The following IGFL2 variants were observed in gnomAD, a reference collection of about 807,000 sequenced individuals.
IGFL2 encodes the protein insulin growth factor-like family member 2.
IGFL2 carries 7 observed loss-of-function variants against 13.9 expected under a neutral mutation model. The observed-to-expected ratio is 0.51, with a 90% CI of 0.29 to 0.95. The LOEUF (loss-of-function observed/expected upper bound fraction) is 0.95, where lower values mean the gene tolerates loss of function less well. Among genes scored for constraint, IGFL2 ranks in the 40% least tolerant of loss-of-function variants. IGFL2 has a pLI of 0.08. For missense variants in IGFL2, 138 were observed against 147.8 expected (o/e 0.93, Z 0.34); for synonymous variants, 55 against 55.8 (o/e 0.99, Z 0.07).
the IGFL2 span, among the ~76,000 whole-genome samples, chr19:46,198,885 T>C: frequency 6.6e-6 from 1 of 152,186 alleles, no homozygotes; most frequent in Non-Finnish European, 1.5e-5. Flanking sequence ...CAGATGGAAC[T>C]AACACCACAA....
chr19:46,198,349 A>G, the IGFL2 span: 1 of 151,890 alleles, frequency 6.6e-6, no homozygotes, highest in Non-Finnish European at 1.5e-5. Flanking sequence ...CCTGGCCTCA[A>G]GCAATTCTTC....
the IGFL2 span, among the ~76,000 whole-genome samples, chr19:46,176,270 A>G: frequency 6.6e-6 from 1 of 152,072 alleles, no homozygotes; most frequent in Non-Finnish European, 1.5e-5. Flanking sequence ...ACAGAGAGGA[A>G]CAAAAACAGG....
the IGFL2 span, chr19:46,136,825 A>G: frequency 1.9e-5 from 13 of 699,610 alleles, no homozygotes; most frequent in Non-Finnish European, 3.5e-5. Context: ...AATCCACTAA[A>G]GTCCTGGTTG....
chr19:46,089,060 CCTGTCTTA>C, the IGFL2 span, among the ~76,000 whole-genome samples: 80 of 152,104 alleles, frequency 5.3e-4, no homozygotes, highest in Non-Finnish European at 1.0e-3. Context: ...TTTCTTTCTT[CCTGTCTTA>C]CTGTTCCTTT....
chr19:46,124,042 T>C, the IGFL2 span: 16 of 1,611,424 alleles, frequency 9.9e-6, no homozygotes, highest in Non-Finnish European at 1.4e-5. Context: ...GCGGCGGGTC[T>C]CCTTTAAGGA....
chr19:46,165,959 C>G (rs532434429), downstream of IGFL2, among the ~76,000 whole-genome samples: 4 of 152,362 alleles, frequency 2.6e-5, no homozygotes, highest in African/African-American at 9.6e-5. Flanking sequence ...TGTGGAAGGA[C>G]ATTCTCCATT....
At chr19:46,162,342 G>A (rs540046529), downstream of IGFL2, among the ~76,000 whole-genome samples, 12 of 152,304 alleles carry the variant, frequency 7.9e-5, no homozygotes, top group African/African-American at 2.4e-4. Context: ...GGCTTCTCTA[G>A]CAAGGTTGAG....
At chr19:46,100,424 G>A in the IGFL2 span, among the ~76,000 whole-genome samples, 1 of 152,190 alleles carries the variant, frequency 6.6e-6, no homozygotes, top group African/African-American at 2.4e-5. Flanking sequence ...AGGGGAAAGG[G>A]TGGGATATTG....
At chr19:46,086,554 C>T in the IGFL2 span, among the ~76,000 whole-genome samples, 2 of 152,198 alleles carry the variant, frequency 1.3e-5, no homozygotes, top group South Asian at 2.1e-4. Context: ...AAGCTCCTGA[C>T]CTCAAGTGAT....
At chr19:46,079,324 A>G in the IGFL2 span, among the ~76,000 whole-genome samples, 1 of 152,210 alleles carries the variant, frequency 6.6e-6, no homozygotes, top group Non-Finnish European at 1.5e-5. Context: ...GCTGCCCAGG[A>G]GGTGCGTCAA....
the IGFL2 span, among the ~76,000 whole-genome samples, chr19:46,166,844 A>G: frequency 6.6e-6 from 1 of 152,236 alleles, no homozygotes; most frequent in Non-Finnish European, 1.5e-5. Flanking sequence ...GTTTAAGGTT[A>G]TCTCTCTTAT....
At chr19:46,183,274 C>CA in the IGFL2 span, among the ~76,000 whole-genome samples, 1 of 152,194 alleles carries the variant, frequency 6.6e-6, no homozygotes, top group Non-Finnish European at 1.5e-5. Flanking sequence ...AATCACCTCC[C>CA]ACCAGGTCCT....
the IGFL2 span, among the ~76,000 whole-genome samples, chr19:46,084,806 A>G: frequency 1.3e-5 from 2 of 152,230 alleles, no homozygotes; most frequent in African/African-American, 4.8e-5. Context: ...ACTGGGTATT[A>G]CATTTCAACA....
upstream of IGFL2, among the ~76,000 whole-genome samples, chr19:46,144,685 A>G (rs1194143009): frequency 6.6e-6 from 1 of 152,234 alleles, no homozygotes; most frequent in Non-Finnish European, 1.5e-5. Context: ...ATTTAAAAAC[A>G]TACAGTAAGT....
chr19:46,161,055 T>C lies in IGFL2; in HGVS notation c.342-15T>C. The C allele has an allele frequency of 6.3e-7, 1 of 1,586,534 alleles. No individual in the cohort carries two copies. Among genetic ancestry groups the C allele is most frequent in the East Asian group, 2.3e-5 (1 of 44,230 alleles). On this transcript the variant is annotated splice_polypyrimidine_tract_variant and intron_variant, in intron 3 of 3. Coordinates refer to ENST00000377693, the MANE Select transcript of IGFL2 (RefSeq NM_001135113.2). Reference sequence around the variant, plus strand: ...GTCTGTTATTCGTAATTTCTTGGTTTCTTTTTCTCTGTAGCAGAAGACGTT... The same window carrying C: ...GTCTGTTATTCGTAATTTCTTGGTTCCTTTTTCTCTGTAGCAGAAGACGTT...
the IGFL2 span, among the ~76,000 whole-genome samples, chr19:46,105,607 C>T: frequency 6.6e-6 from 1 of 152,042 alleles, no homozygotes; most frequent in East Asian, 1.9e-4. Flanking sequence ...TCGTTGCAGA[C>T]TCAACAAAGA....
intron 1 of IGFL2, among the ~76,000 whole-genome samples, chr19:46,150,172 C>A (rs1219987634): frequency 6.6e-6 from 1 of 151,806 alleles, no homozygotes; most frequent in African/African-American, 2.4e-5. Context: ...CATTTGTATT[C>A]CTTTTTGAGA....
chr19:46,078,697 G>C, the IGFL2 span, among the ~76,000 whole-genome samples: 1 of 152,224 alleles, frequency 6.6e-6, no homozygotes, highest in Non-Finnish European at 1.5e-5. Flanking sequence ...CCGTCAAAAG[G>C]CCTGTGACGC....
chr19:46,157,914 A>C (rs1293728488), intron 1 of IGFL2, among the ~76,000 whole-genome samples: 1 of 152,222 alleles, frequency 6.6e-6, no homozygotes, highest in Non-Finnish European at 1.5e-5. Flanking sequence ...GTACTCCTAT[A>C]ACTAATAAGT....
Sources: gnomAD v4.1 joint callset for allele counts (sites outside exome capture counted in the v4.1 genomes callset) on GRCh38, gnomAD v4.1.1 for gene constraint, MANE v1.5 for transcripts, NCBI Gene and HGNC (gene_info 2026-07-23, HGNC 2026-07-21) for gene names.